Variants in KDM3B observed in about 807,000 individuals in gnomAD.
KDM3B encodes lysine demethylase 3B, also known as lysine-specific demethylase 3B.
Under a neutral mutation model 170.0 loss-of-function variants are expected in KDM3B, and 10 were observed. The observed-to-expected ratio is 0.06, with a 90% CI of 0.04 to 0.10. The LOEUF is 0.10. KDM3B is among the 10% of genes least tolerant of loss of function. KDM3B has a pLI of 1.00. For synonymous variants in KDM3B, 831 were observed against 834.8 expected (o/e 1.00, Z 0.08); for missense variants, 1,394 against 2,195.2 (o/e 0.64, Z 7.29).
intron 1 of KDM3B, among the ~76,000 whole-genome samples, chr5:138,365,815 A>G (rs73255864): frequency 0.26 from 38,774 of 151,592 alleles, 5,612 homozygotes; most frequent in East Asian, 0.56. Context: ...CCTGGCCAAC[A>G]TGGTGAAACC....
intron 1 of KDM3B, among the ~76,000 whole-genome samples, chr5:138,368,198 G>C (rs930510460): frequency 6.6e-6 from 1 of 151,146 alleles, no homozygotes; most frequent in Non-Finnish European, 1.5e-5. Context: ...TATGTACTTA[G>C]ATTTAAAATG....
rs768253101 is a variant in KDM3B, at chr5:138,418,997, C to T, written c.3480C>T (p.Thr1160=). The change falls in exon 14 of 24, where the codon ACC becomes ACT. Residue 1160 remains threonine, a synonymous_variant. Transcript: ENST00000314358. ...NPSASSGNET[T]FSGGGGPAPV... is the part of the protein sequence containing the mutation. ...GTGCCTCTTCTGGAAACGAAACTAC[C>T]TTCTCTGGTGGAGGAGGACCGGCAC... 1.2e-6 allele frequency: 2 copies of T among 1,614,190 alleles called. No individual in the cohort carries two copies. The highest frequency in any genetic ancestry group is 1.7e-5 in the Admixed American group (1 of 60,004).
At chr5:138,419,652 CAAA>C (rs1170205178) in intron 14 of KDM3B, among the ~76,000 whole-genome samples, 33 of 47,074 alleles carry the variant, frequency 7.0e-4, no homozygotes, top group Admixed American at 9.9e-4. Flanking sequence ...GACTCTGTCT[CAAA>C]AAAAAAAAAA....
intron 4 of KDM3B, among the ~76,000 whole-genome samples, chr5:138,378,758 G>A (rs1333878851): frequency 1.3e-5 from 2 of 150,032 alleles, no homozygotes; most frequent in Non-Finnish European, 3.0e-5. Flanking sequence ...TGAGTGGACA[G>A]GAGAGGTAGG....
intron 1 of KDM3B, among the ~76,000 whole-genome samples, chr5:138,356,896 G>A (rs991670235): frequency 2.6e-5 from 4 of 151,922 alleles, no homozygotes; most frequent in East Asian, 1.9e-4. Context: ...TGCCCACCGC[G>A]ACCTCCCAAA....
chr5:138,429,304 A>G (rs1763474347), intron 20 of KDM3B, among the ~76,000 whole-genome samples: 1 of 152,038 alleles, frequency 6.6e-6, no homozygotes, highest in African/African-American at 2.4e-5. Flanking sequence ...CGCCCACCTC[A>G]GCCTCTCAAA....
At chr5:138,364,638 G>A (rs1413057145) in intron 1 of KDM3B, among the ~76,000 whole-genome samples, 1 of 151,166 alleles carries the variant, frequency 6.6e-6, no homozygotes, top group African/African-American at 2.4e-5. Flanking sequence ...GTTTGCTTAT[G>A]GAATAAGCAT....
chr5:138,419,726 C>CACATATAT (rs1209877091), intron 14 of KDM3B, among the ~76,000 whole-genome samples: 3,667 of 80,058 alleles, frequency 0.046, 73 homozygotes, highest in South Asian at 0.12. Flanking sequence ...TATACACACA[C>CACATATAT]ATACACACAC....
chr5:138,417,705 A>AG (rs1278423199), intron 13 of KDM3B, 95 bp downstream of exon 13: 2 of 1,268,808 alleles, frequency 1.6e-6, no homozygotes, highest in Non-Finnish European at 2.2e-6. Flanking sequence ...AGGCTACTGT[A>AG]GGATTCCTGA....
At chr5:138,398,083 T>G in intron 9 of KDM3B, 95 bp from the exon 10 acceptor site, 1 of 893,346 alleles carries the variant, frequency 1.1e-6, no homozygotes, top group Non-Finnish European at 1.8e-6. Flanking sequence ...CTGATTCCTG[T>G]TGTCTCATTT....
Position 138,386,109 on chromosome 5 carries a change from G to A in KDM3B, c.868G>A (p.Ala290Thr). The A allele has an allele frequency of 6.2e-7, 1 of 1,614,218 alleles. No homozygotes were observed. Among genetic ancestry groups the A allele is most frequent in the Non-Finnish European group, 8.5e-7 (1 of 1,180,032 alleles). The change falls in exon 7 of 24, where the codon GCT becomes ACT. Residue 290 changes from alanine (A) to threonine (T), a missense_variant. Physicochemically the swap from Ala to Thr is moderately conservative, Grantham distance 58. Transcript: ENST00000314358. ...EGKDGRRRKS[A>T]SDSGCDPASK... ...GAAAGATGGCCGGAGGAGGAAAAGT[G>A]CTTCGGACTCTGGGTGTGACCCTGC...
At chr5:138,353,775 T>C (rs1050861157) in intron 1 of KDM3B, among the ~76,000 whole-genome samples, 15 of 152,298 alleles carry the variant, frequency 9.8e-5, no homozygotes, top group South Asian at 2.1e-4. Flanking sequence ...TTGAATGCCT[T>C]GGTGTGTTTT....
At chr5:138,385,603 A>G (rs948856494) in intron 6 of KDM3B, among the ~76,000 whole-genome samples, 19 of 152,234 alleles carry the variant, frequency 1.2e-4, no homozygotes, top group African/African-American at 4.6e-4. Context: ...AAGATGTCCT[A>G]TTTCAGTACT....
In KDM3B at chr5:138,398,206, C is replaced by T. The variant is rs866179776; in HGVS notation, c.2860C>T (p.Arg954Cys). 2.5e-6 allele frequency: 4 copies of T among 1,613,696 alleles called. No homozygotes were observed. Among genetic ancestry groups the T allele is most frequent in the Non-Finnish European group, 2.5e-6 (3 of 1,179,800 alleles). ...RLIFTRKGVL[R>C]VEGFLSPQQS... ...GATCTTCACTCGAAAAGGGGTACTCCGTGTGGAGGGGTTTTTAAGCCCCCA... is the reference window on the plus strand; with the variant it reads ...GATCTTCACTCGAAAAGGGGTACTCTGTGTGGAGGGGTTTTTAAGCCCCCA... Residue 954 changes from arginine to cysteine, a missense_variant, in exon 10 of 24, where the codon CGT becomes TGT. By Grantham distance (180) the Arg-to-Cys change is radical. Transcript: ENST00000314358.
In KDM3B at chr5:138,386,234, A is replaced by G. The variant is rs1477947915; in HGVS notation, c.993A>G (p.Gly331=). 5 of 1,614,184 alleles carry G rather than the reference A, an allele frequency of 3.1e-6. No individual in the cohort carries two copies. The highest frequency in any genetic ancestry group is 4.2e-6 in the Non-Finnish European group (5 of 1,180,032). The part of the protein sequence containing the change: ...RGPWKGGNAS[G]EPGLDQRAKQ... ...CCTGGAAAGGAGGGAATGCCAGTGGAGAGCCAGGGCTGGATCAGAGAGCCA... is the reference window on the plus strand; with the variant it reads ...CCTGGAAAGGAGGGAATGCCAGTGGGGAGCCAGGGCTGGATCAGAGAGCCA... Residue 331 remains glycine, a synonymous_variant, in exon 7 of 24, where the codon GGA becomes GGG. Coordinates refer to ENST00000314358, the MANE Select transcript of KDM3B (RefSeq NM_016604.4).
chr5:138,358,368 G>A (rs983587278), intron 1 of KDM3B, among the ~76,000 whole-genome samples: 2 of 144,830 alleles, frequency 1.4e-5, no homozygotes, highest in African/African-American at 2.6e-5. Flanking sequence ...GCAGTGGCGC[G>A]ATCTCAGCTC....
intron 20 of KDM3B, 50 bp from the exon 21 acceptor site, chr5:138,429,773 CAGT>C: frequency 6.3e-7 from 1 of 1,577,304 alleles, no homozygotes; most frequent in Non-Finnish European, 8.7e-7. Context: ...TCATTTCACT[CAGT>C]GGTACTGAAA....
intron 11 of KDM3B, among the ~76,000 whole-genome samples, chr5:138,406,207 G>A (rs560655359): frequency 1.2e-4 from 19 of 152,188 alleles, no homozygotes; most frequent in African/African-American, 4.3e-4. Flanking sequence ...TTAGCTGGGC[G>A]TGGTGGCACA....
At chr5:138,396,914 A>G (rs1024896536) in intron 9 of KDM3B, among the ~76,000 whole-genome samples, 1 of 152,244 alleles carries the variant, frequency 6.6e-6, no homozygotes, top group Non-Finnish European at 1.5e-5. Context: ...GGCCAGGCAC[A>G]GTGGCTTATG....
Sources: gnomAD v4.1 joint callset for allele counts (sites outside exome capture counted in the v4.1 genomes callset) on GRCh38, gnomAD v4.1.1 for gene constraint, MANE v1.5 for transcripts, NCBI Gene and HGNC (gene_info 2026-07-23, HGNC 2026-07-21) for gene names.